CDH18: variants seen among roughly 807,000 people sequenced by gnomAD.
The protein encoded by CDH18 is cadherin-18.
CDH18 carries 31 observed loss-of-function variants against 67.9 expected under a neutral mutation model. The observed-to-expected ratio is 0.46, with a 90% CI of 0.34 to 0.62. CDH18 has a LOEUF of 0.62. CDH18 is among the 20% of genes least tolerant of loss of function. The pLI, the probability that CDH18 is intolerant of heterozygous loss-of-function variation, is 0.01. For missense variants in CDH18, 890 were observed against 975.5 expected (o/e 0.91, Z 1.17); for synonymous variants, 362 against 347.2 (o/e 1.04, Z -0.48).
At chr5:19,538,486 T>A (rs1162900049) in intron 9 of CDH18, among the ~76,000 whole-genome samples, 1 of 152,198 alleles carries the variant, frequency 6.6e-6, no homozygotes, top group Non-Finnish European at 1.5e-5. Flanking sequence ...ACCATACTCA[T>A]AATGTCATCT....
At chr5:20,448,607 T>C (rs1389210244) in intron 1 of CDH18, among the ~76,000 whole-genome samples, 1 of 152,144 alleles carries the variant, frequency 6.6e-6, no homozygotes, top group Non-Finnish European at 1.5e-5. Context: ...ACCTCTCAGA[T>C]ACTCTAAATA....
intron 1 of CDH18, among the ~76,000 whole-genome samples, chr5:20,441,069 G>A (rs376983805): frequency 6.6e-6 from 1 of 151,852 alleles, no homozygotes; most frequent in South Asian, 2.1e-4. Context: ...GAGCTTATGA[G>A]TCTGGATAAT....
At chr5:20,252,585 C>T (rs1743938667) in intron 2 of CDH18, among the ~76,000 whole-genome samples, 1 of 152,024 alleles carries the variant, frequency 6.6e-6, no homozygotes, top group South Asian at 2.1e-4. Flanking sequence ...CTAGTAACAC[C>T]TCTAAAAGTT....
chr5:20,451,487 G>A (rs1409120239), intron 1 of CDH18, among the ~76,000 whole-genome samples: 4 of 152,026 alleles, frequency 2.6e-5, no homozygotes. Context: ...TGGGAATCAT[G>A]GGCTTTCAAA....
At chr5:19,952,997 TTATC>T (rs1795946885) in intron 2 of CDH18, among the ~76,000 whole-genome samples, 1 of 151,952 alleles carries the variant, frequency 6.6e-6, no homozygotes, top group African/African-American at 2.4e-5. Flanking sequence ...AAACACATAT[TTATC>T]TACACAATTA....
At chr5:19,833,956 T>G (rs1346232855) in intron 3 of CDH18, among the ~76,000 whole-genome samples, 1 of 152,124 alleles carries the variant, frequency 6.6e-6, no homozygotes. Context: ...TTGATGTTCA[T>G]CAGGGATATC....
chr5:19,575,279 A>C (rs1742134701), intron 7 of CDH18, among the ~76,000 whole-genome samples: 1 of 152,194 alleles, frequency 6.6e-6, no homozygotes, highest in South Asian at 2.1e-4. Flanking sequence ...TTATTTGACA[A>C]TGCTAATTAG....
intron 3 of CDH18, among the ~76,000 whole-genome samples, chr5:19,761,972 A>G (rs981312160): frequency 1.3e-5 from 2 of 152,196 alleles, no homozygotes; most frequent in African/African-American, 4.8e-5. Flanking sequence ...GACAAACCTG[A>G]GAAAAACAAG....
intron 1 of CDH18, among the ~76,000 whole-genome samples, chr5:20,333,830 A>T (rs1414280601): frequency 6.6e-6 from 1 of 152,106 alleles, no homozygotes; most frequent in Non-Finnish European, 1.5e-5. Context: ...ATCACTTTGT[A>T]AGGTAAAACT....
intron 2 of CDH18, among the ~76,000 whole-genome samples, chr5:20,053,175 G>A (rs1006793021): frequency 1.9e-4 from 29 of 151,328 alleles, no homozygotes; most frequent in Non-Finnish European, 3.1e-4. Flanking sequence ...TTTCTGAAAC[G>A]CTTTTAAAAT....
chr5:19,531,934 CTATAGGTAGTT>C (rs1187285239), intron 9 of CDH18, among the ~76,000 whole-genome samples: 6 of 152,122 alleles, frequency 3.9e-5, no homozygotes, highest in Non-Finnish European at 8.8e-5. Flanking sequence ...AAAGGCAAAA[CTATAGGTAGTT>C]ACCAGGACTT....
chr5:20,190,335 G>GT (rs1738438886), intron 2 of CDH18, among the ~76,000 whole-genome samples: 1 of 152,082 alleles, frequency 6.6e-6, no homozygotes, highest in African/African-American at 2.4e-5. Context: ...TCAGTGTATG[G>GT]TTTTTACACT....
At chr5:20,554,120 A>G (rs1369463211) in intron 1 of CDH18, among the ~76,000 whole-genome samples, 1 of 152,170 alleles carries the variant, frequency 6.6e-6, no homozygotes, top group Admixed American at 6.5e-5. Context: ...AGGGCTTAGA[A>G]AAAAAATTCT....
chr5:19,860,250 T>C (rs1182808778), intron 2 of CDH18, among the ~76,000 whole-genome samples: 1 of 152,238 alleles, frequency 6.6e-6, no homozygotes, highest in East Asian at 1.9e-4. Context: ...CCCTTTGCTC[T>C]GTCCATTGCA....
chr5:20,390,826 T>G (rs1217121487), intron 1 of CDH18, among the ~76,000 whole-genome samples: 1 of 152,210 alleles, frequency 6.6e-6, no homozygotes, highest in Non-Finnish European at 1.5e-5. Flanking sequence ...GATGAGTTCA[T>G]GTCCTTTGTA....
chr5:19,633,892 A>G (rs193131821), intron 5 of CDH18, among the ~76,000 whole-genome samples: 2 of 152,172 alleles, frequency 1.3e-5, no homozygotes, highest in Non-Finnish European at 2.9e-5. Flanking sequence ...TCAGTCTTCC[A>G]AAGTGCTAGG....
At chr5:20,175,676 C>A (rs745807356) in intron 2 of CDH18, among the ~76,000 whole-genome samples, 1 of 152,090 alleles carries the variant, frequency 6.6e-6, no homozygotes, top group Non-Finnish European at 1.5e-5. Flanking sequence ...AACTGAGGAA[C>A]TTGGAGTCCT....
chr5:20,065,634 T>C (rs1471029932), intron 2 of CDH18, among the ~76,000 whole-genome samples: 1 of 152,002 alleles, frequency 6.6e-6, no homozygotes, highest in Non-Finnish European at 1.5e-5. Flanking sequence ...AACACTTACA[T>C]TTGCCTACGT....
At chr5:20,329,361 A>C (rs1738937067) in intron 1 of CDH18, among the ~76,000 whole-genome samples, 1 of 152,184 alleles carries the variant, frequency 6.6e-6, no homozygotes, top group Non-Finnish European at 1.5e-5. Flanking sequence ...TTTCTGTTTG[A>C]TCAAACTAGA....
Sources: gnomAD v4.1 joint callset for allele counts (sites outside exome capture counted in the v4.1 genomes callset) on GRCh38, gnomAD v4.1.1 for gene constraint, MANE v1.5 for transcripts, NCBI Gene and HGNC (gene_info 2026-07-23, HGNC 2026-07-21) for gene names.